AGBL4: variants seen among roughly 807,000 people sequenced by gnomAD.
AGBL4 encodes the protein cytosolic carboxypeptidase 6.
Under a neutral mutation model 66.4 loss-of-function variants are expected in AGBL4, and 58 were observed. The ratio of observed to expected loss-of-function variants is 0.87; its 90% CI spans 0.71 to 1.09. The LOEUF is 1.09. Among genes scored for constraint, AGBL4 ranks in the 50% least tolerant of loss-of-function variants. AGBL4 has a pLI of 0.00. For missense variants in AGBL4, 579 were observed against 631.0 expected (o/e 0.92, Z 0.88); for synonymous variants, 234 against 222.9 (o/e 1.05, Z -0.44).
chr1:49,672,635 G>A (rs1646500189), intron 3 of AGBL4, among the ~76,000 whole-genome samples: 1 of 151,834 alleles, frequency 6.6e-6, no homozygotes, highest in African/African-American at 2.4e-5. Flanking sequence ...TGAAAAGATA[G>A]AGAAGCCAGG....
At chr1:48,748,883 C>T (rs1262589069) in intron 6 of AGBL4, among the ~76,000 whole-genome samples, 1 of 152,070 alleles carries the variant, frequency 6.6e-6, no homozygotes, top group Non-Finnish European at 1.5e-5. Flanking sequence ...CAGGAGCAGG[C>T]TTCGTTGGGC....
intron 3 of AGBL4, among the ~76,000 whole-genome samples, chr1:49,289,991 A>G (rs1315271632): frequency 6.6e-6 from 1 of 152,226 alleles, no homozygotes; most frequent in Non-Finnish European, 1.5e-5. Context: ...TGAAGTATCA[A>G]TATTAATTTT....
chr1:49,942,875 T>C (rs373536250), intron 1 of AGBL4, among the ~76,000 whole-genome samples: 4 of 152,218 alleles, frequency 2.6e-5, no homozygotes, highest in East Asian at 3.9e-4. Flanking sequence ...AGACAACCTA[T>C]AGAATACAAG....
chr1:49,021,167 C>G (rs1325467317), intron 5 of AGBL4, among the ~76,000 whole-genome samples: 1 of 152,190 alleles, frequency 6.6e-6, no homozygotes, highest in African/African-American at 2.4e-5. Flanking sequence ...TCAGACGGAT[C>G]TGGGTACAAA....
chr1:48,530,514 C>T (rs1346376614), downstream of AGBL4, among the ~76,000 whole-genome samples: 4 of 152,072 alleles, frequency 2.6e-5, no homozygotes, highest in Non-Finnish European at 4.4e-5. Flanking sequence ...CTGTGTTTAC[C>T]GCCCCGCCTC....
At chr1:49,327,675 C>T (rs1172283909) in intron 3 of AGBL4, among the ~76,000 whole-genome samples, 1 of 152,220 alleles carries the variant, frequency 6.6e-6, no homozygotes, top group East Asian at 1.9e-4. Flanking sequence ...TATAGAGGTG[C>T]TAATTCCATT....
chr1:48,998,227 G>A (rs3118224), intron 5 of AGBL4, among the ~76,000 whole-genome samples: 101,301 of 152,088 alleles, frequency 0.67, 34,244 homozygotes, highest in African/African-American at 0.73. Context: ...ATGATTTAAG[G>A]GCTCAGTTTA....
At chr1:49,381,696 G>C (rs1570576976) in intron 3 of AGBL4, among the ~76,000 whole-genome samples, 1 of 151,912 alleles carries the variant, frequency 6.6e-6, no homozygotes, top group Non-Finnish European at 1.5e-5. Flanking sequence ...GTCCTTTGTA[G>C]GGACATGGAT....
At position 49,549,728 on chromosome 1, in the gene AGBL4, T is replaced by C. The variant is rs1050893966; in HGVS notation, c.282+147585A>G. Among the ~76,000 whole-genome samples the C allele has an allele frequency of 4.6e-5, 7 of 152,314 alleles. 1 individual carries two copies. The highest frequency in any genetic ancestry group is 4.1e-4 in the South Asian group (2 of 4,826). On this transcript the variant is annotated intron_variant, in intron 3 of 13. Transcript: ENST00000371839. ...ATGGTCTATCTTGGAGAAAGTTCCA[T>C]GCACTGTAGAATAGAATGTGTATTC...
chr1:49,651,222 A>C (rs985722085), intron 3 of AGBL4, among the ~76,000 whole-genome samples: 3 of 152,116 alleles, frequency 2.0e-5, no homozygotes, highest in Non-Finnish European at 4.4e-5. Context: ...ATGATAGGGA[A>C]AAGGATTGTG....
At chr1:48,929,598 A>T (rs896796943) in intron 5 of AGBL4, among the ~76,000 whole-genome samples, 6 of 152,186 alleles carry the variant, frequency 3.9e-5, no homozygotes, top group African/African-American at 1.4e-4. Context: ...ATTAATGCCT[A>T]TCTTAACTAT....
At chr1:49,740,766 A>G (rs1030969819) in intron 2 of AGBL4, among the ~76,000 whole-genome samples, 4 of 152,204 alleles carry the variant, frequency 2.6e-5, no homozygotes, top group African/African-American at 9.7e-5. Context: ...CCACTCAACT[A>G]CATGGAAACT....
chr1:48,996,653 AG>A (rs1428734958), intron 5 of AGBL4, among the ~76,000 whole-genome samples: 1 of 152,122 alleles, frequency 6.6e-6, no homozygotes, highest in African/African-American at 2.4e-5. Flanking sequence ...GTGTTTCAGA[AG>A]AATGTTGTGA....
At chr1:49,285,549 A>G (rs1644384266) in intron 3 of AGBL4, among the ~76,000 whole-genome samples, 1 of 152,170 alleles carries the variant, frequency 6.6e-6, no homozygotes, top group Non-Finnish European at 1.5e-5. Flanking sequence ...ATAGAGACAC[A>G]AAAAACCCTT....
intron 3 of AGBL4, among the ~76,000 whole-genome samples, chr1:49,637,660 T>G (rs1232480037): frequency 6.6e-6 from 1 of 152,082 alleles, no homozygotes; most frequent in Non-Finnish European, 1.5e-5. Context: ...TATATTTAAA[T>G]TAAAAAATTA....
chr1:48,914,840 G>C (rs1230783660), intron 5 of AGBL4, among the ~76,000 whole-genome samples: 1 of 152,170 alleles, frequency 6.6e-6, no homozygotes, highest in Non-Finnish European at 1.5e-5. Flanking sequence ...GGAAGAGGAA[G>C]AGTTCAGGGT....
chr1:49,937,456 C>T (rs990824117), intron 1 of AGBL4, among the ~76,000 whole-genome samples: 85 of 151,730 alleles, frequency 5.6e-4, no homozygotes, highest in Non-Finnish European at 6.0e-4. Flanking sequence ...ACAAGGATAC[C>T]CAGGAATTGA....
At chr1:49,964,828 A>G (rs1203251265) in intron 1 of AGBL4, among the ~76,000 whole-genome samples, 4 of 152,216 alleles carry the variant, frequency 2.6e-5, no homozygotes, top group Non-Finnish European at 5.9e-5. Context: ...ACTATGGTTA[A>G]GATGACTTAA....
At chr1:49,968,219 C>CA (rs10661536) in intron 1 of AGBL4, among the ~76,000 whole-genome samples, 68,076 of 135,280 alleles carry the variant, frequency 0.5, 17,492 homozygotes, top group Middle Eastern at 0.62. Flanking sequence ...GGGAGACTGT[C>CA]AAAAAAAAAA....
Sources: allele counts gnomAD v4.1 joint callset (sites outside exome capture counted in the v4.1 genomes callset), GRCh38; gene constraint gnomAD v4.1.1; transcripts MANE v1.5; gene names NCBI Gene and HGNC (gene_info 2026-07-23, HGNC 2026-07-21).